Variants in FGGY observed in about 807,000 individuals in gnomAD.
The protein encoded by FGGY is FGGY carbohydrate kinase domain-containing protein.
A neutral mutation model predicts 71.3 loss-of-function variants in FGGY; 72 were observed. That is an observed-to-expected ratio of 1.01 (90% confidence interval 0.84 to 1.23). The LOEUF is 1.23. Ranked by LOEUF, FGGY falls within the 50% of genes most tolerant of loss-of-function variation. The probability of loss-of-function intolerance (pLI) is 0.00; values close to 1 mark genes in which losing one functional copy is unlikely to be tolerated. For missense variants in FGGY, 668 were observed against 682.3 expected (o/e 0.98, Z 0.23); for synonymous variants, 251 against 250.3 (o/e 1.00, Z -0.02).
rs188182421 is a variant in FGGY at position 59,415,883 on chromosome 1, T to C, written c.554+37046T>C. The stretch of plus-strand genomic sequence containing the variant: ...ACTGACTGTGCTTTCTCCTTTCTGT[T>C]TTCAAAGCCCTGGGAAAGAATTCTG... On this transcript the variant is annotated intron_variant, in intron 5 of 15. Coordinates refer to ENST00000303721, the MANE Select transcript of FGGY (RefSeq NM_018291.5). Among the ~76,000 whole-genome samples, 4 of 152,324 alleles carry C rather than the reference T, an allele frequency of 2.6e-5. No homozygotes were observed. In the East Asian group the frequency reaches 7.7e-4, roughly 29 times the overall value.
At chr1:59,387,583 T>TA (rs1188316772) in intron 5 of FGGY, among the ~76,000 whole-genome samples, 1 of 151,920 alleles carries the variant, frequency 6.6e-6, no homozygotes, top group African/African-American at 2.4e-5. Context: ...GGTGAGAATT[T>TA]AAAAAAAAAT....
chr1:59,439,748 C>T (rs548338367), intron 5 of FGGY, among the ~76,000 whole-genome samples: 2 of 152,264 alleles, frequency 1.3e-5, no homozygotes, highest in South Asian at 2.1e-4. Context: ...TATTCCATAT[C>T]CTTCTCTTCC....
At chr1:59,560,104 AATG>A (rs1445674849) in intron 8 of FGGY, among the ~76,000 whole-genome samples, 1 of 152,212 alleles carries the variant, frequency 6.6e-6, no homozygotes, top group African/African-American at 2.4e-5. Flanking sequence ...CAACATCAAC[AATG>A]ATAAGTCATG....
rs766009504 is a variant in FGGY, at chr1:59,339,951, A to T, written c.202-7A>T. The T allele has an allele frequency of 7.0e-6, 11 of 1,581,326 alleles. No homozygotes were observed. The highest frequency in any genetic ancestry group is 1.3e-5 in the African/African-American group (1 of 74,098). On this transcript the variant is annotated splice_polypyrimidine_tract_variant and splice_region_variant and intron_variant, in intron 2 of 15. Transcript: ENST00000303721. ...GTAATTTATGTTTTTATTTGTTTTT[A>T]AAACAGAAAGTTGTACAAGGGATTG...
rs1399287741 is a variant in FGGY at position 59,486,934 on chromosome 1, C to T, written c.671-25377C>T. On this transcript the variant is annotated intron_variant, in intron 6 of 15. Coordinates refer to ENST00000303721, the MANE Select transcript of FGGY (RefSeq NM_018291.5). ...TTCCGGTATTTCTTTTTTCCCTGTT[C>T]GAGATAGCTGTCCTATTTTAAAGTC... Among the ~76,000 whole-genome samples, 5 of 152,090 alleles carry T rather than the reference C, an allele frequency of 3.3e-5. No homozygotes were observed. The South Asian group carries it at 6.2e-4, about 19-fold the overall frequency.
At chr1:59,474,467 A>G (rs1165344284) in intron 6 of FGGY, among the ~76,000 whole-genome samples, 2 of 152,220 alleles carry the variant, frequency 1.3e-5, no homozygotes, top group Non-Finnish European at 2.9e-5. Flanking sequence ...ACCAGAAACC[A>G]GGTCTTCTGA....
chr1:59,455,487 G>A (rs771529009), intron 5 of FGGY, among the ~76,000 whole-genome samples: 27 of 152,240 alleles, frequency 1.8e-4, no homozygotes, highest in Non-Finnish European at 3.5e-4. Flanking sequence ...CGGAGTGACT[G>A]TGGAGATGGA....
chr1:59,612,622 A>G (rs1183412931), intron 9 of FGGY, among the ~76,000 whole-genome samples: 2 of 152,242 alleles, frequency 1.3e-5, no homozygotes, highest in African/African-American at 4.8e-5. Flanking sequence ...CGTCATAATG[A>G]CAGGATCAAA....
At chr1:59,674,170 C>A in intron 14 of FGGY, 37 bp downstream of exon 14, 2 of 1,527,204 alleles carry the variant, frequency 1.3e-6, no homozygotes, top group Admixed American at 1.7e-5. Flanking sequence ...TGGCTCCTCC[C>A]CTGTCTGAGG....
intron 7 of FGGY, among the ~76,000 whole-genome samples, chr1:59,537,026 G>T (rs1054569292): frequency 6.6e-6 from 1 of 151,872 alleles, no homozygotes; most frequent in Middle Eastern, 3.2e-3. Context: ...GAAATAAAGG[G>T]TATTCAATTA....
At chr1:59,416,259 A>G (rs1041859499) in intron 5 of FGGY, among the ~76,000 whole-genome samples, 38 of 152,178 alleles carry the variant, frequency 2.5e-4, no homozygotes, top group African/African-American at 6.5e-4. Context: ...AGATATTACA[A>G]TCATTTGTGG....
At chr1:59,363,612 G>A (rs918911108) in intron 4 of FGGY, among the ~76,000 whole-genome samples, 2 of 152,198 alleles carry the variant, frequency 1.3e-5, no homozygotes, top group African/African-American at 4.8e-5. Context: ...GCAGAATGTA[G>A]TGAGGCCCTC....
intron 7 of FGGY, among the ~76,000 whole-genome samples, chr1:59,529,941 A>G (rs576471724): frequency 6.6e-6 from 1 of 152,326 alleles, no homozygotes; most frequent in Non-Finnish European, 1.5e-5. Context: ...CTTTCTATTT[A>G]CATAGCTATT....
At chr1:59,386,326 T>G (rs1456610063) in intron 5 of FGGY, among the ~76,000 whole-genome samples, 2 of 152,190 alleles carry the variant, frequency 1.3e-5, no homozygotes, top group Non-Finnish European at 2.9e-5. Context: ...TGGTCATGTA[T>G]ATTGTTGGAT....
chr1:59,505,446 A>G (rs2094353975), intron 6 of FGGY, among the ~76,000 whole-genome samples: 3 of 152,200 alleles, frequency 2.0e-5, no homozygotes, highest in South Asian at 4.1e-4. Flanking sequence ...CTCTGCTGGT[A>G]AGACATGGTG....
intron 4 of FGGY, among the ~76,000 whole-genome samples, chr1:59,370,702 G>A (rs963261293): frequency 2.0e-5 from 3 of 151,726 alleles, no homozygotes; most frequent in African/African-American, 7.3e-5. Context: ...ACTAACAGCG[G>A]ATCTCTTGGC....
At chr1:59,698,264 A>AT (rs898719078) in intron 14 of FGGY, among the ~76,000 whole-genome samples, 9 of 152,080 alleles carry the variant, frequency 5.9e-5, no homozygotes, top group Non-Finnish European at 1.0e-4. Context: ...CATATGTATC[A>AT]TTTTTTTCTC....
intron 4 of FGGY, among the ~76,000 whole-genome samples, chr1:59,365,878 A>G (rs2153233807): frequency 6.6e-6 from 1 of 152,374 alleles, no homozygotes; most frequent in Non-Finnish European, 1.5e-5. Flanking sequence ...TTGGGGGAAG[A>G]TGCTAGGAAT....
chr1:59,539,539 C>T (rs1337073467), intron 7 of FGGY, among the ~76,000 whole-genome samples: 2 of 152,060 alleles, frequency 1.3e-5, no homozygotes, highest in East Asian at 1.9e-4. Context: ...AGTACCCTGC[C>T]GATTGGTTAT....
Sources: allele counts gnomAD v4.1 joint callset (sites outside exome capture counted in the v4.1 genomes callset), GRCh38; gene constraint gnomAD v4.1.1; transcripts MANE v1.5; gene names NCBI Gene and HGNC (gene_info 2026-07-23, HGNC 2026-07-21).